Variants in KAZN observed in about 807,000 individuals in gnomAD.
KAZN encodes kazrin.
In KAZN, 40 loss-of-function variants were observed where a neutral mutation model predicts 87.4. The ratio of observed to expected loss-of-function variants is 0.46; its 90% CI spans 0.36 to 0.60. The LOEUF (loss-of-function observed/expected upper bound fraction) is 0.60. Ranked by LOEUF, KAZN falls within the 20% of genes least tolerant of loss-of-function variation. The pLI is 0.00. For missense variants in KAZN, 898 were observed against 1,073.9 expected, an observed-to-expected ratio of 0.84 and a Z score of 2.29; for synonymous variants, 466 against 458.3, an observed-to-expected ratio of 1.02 and a Z score of -0.22.
chr1:14,060,207 C>CA (rs968399635), intron 1 of KAZN, among the ~76,000 whole-genome samples: 2 of 151,844 alleles, frequency 1.3e-5, no homozygotes, highest in African/African-American at 4.8e-5. Flanking sequence ...ACTAAAAATA[C>CA]AAAAAATTAG....
At chr1:14,218,731 G>A (rs549550214) in intron 2 of KAZN, among the ~76,000 whole-genome samples, 6 of 152,154 alleles carry the variant, frequency 3.9e-5, no homozygotes, top group Non-Finnish European at 1.5e-5. Flanking sequence ...GGTAAATAAT[G>A]AGGGCAAAAA....
At chr1:13,949,461 C>G (rs954378750) in intron 1 of KAZN, among the ~76,000 whole-genome samples, 1 of 152,196 alleles carries the variant, frequency 6.6e-6, no homozygotes, top group Admixed American at 6.5e-5. Context: ...TTCTCAATAT[C>G]AGACAGCGGT....
intron 1 of KAZN, among the ~76,000 whole-genome samples, chr1:13,957,528 GA>G (rs1162791196): frequency 6.6e-6 from 1 of 152,178 alleles, no homozygotes; most frequent in Non-Finnish European, 1.5e-5. Context: ...AATTTGCATA[GA>G]AAAAAATTAT....
intron 1 of KAZN, among the ~76,000 whole-genome samples, chr1:14,104,855 TC>T (rs1217392655): frequency 6.6e-6 from 1 of 152,222 alleles, no homozygotes; most frequent in East Asian, 1.9e-4. Flanking sequence ...TTTATCTACA[TC>T]CGTTTTTCTT....
At chr1:14,433,584 A>T (rs1325962296) in intron 2 of KAZN, among the ~76,000 whole-genome samples, 2 of 152,202 alleles carry the variant, frequency 1.3e-5, no homozygotes, top group Admixed American at 1.3e-4. Flanking sequence ...CAGGCTGGGC[A>T]CAGTGGCTCA....
At chr1:15,109,937 G>GTT (rs1553191660) in intron 13 of KAZN, among the ~76,000 whole-genome samples, 3,183 of 140,532 alleles carry the variant, frequency 0.023, 127 homozygotes, top group African/African-American at 0.076. Flanking sequence ...GTGTGTGTGT[G>GTT]TGTGTTTGTG....
intron 1 of KAZN, among the ~76,000 whole-genome samples, chr1:13,903,013 G>A (rs1456762023): frequency 6.6e-6 from 1 of 152,210 alleles, no homozygotes; most frequent in Non-Finnish European, 1.5e-5. Context: ...AAGCAAATGA[G>A]GTGGGTTTCC....
intron 2 of KAZN, among the ~76,000 whole-genome samples, chr1:14,368,071 TCTA>T: frequency 6.6e-6 from 1 of 152,278 alleles, no homozygotes; most frequent in African/African-American, 2.4e-5. Context: ...GCCAACCAGG[TCTA>T]CTGTGAAGAT....
intron 1 of KAZN, among the ~76,000 whole-genome samples, chr1:14,031,924 T>A (rs1180355130): frequency 6.6e-6 from 1 of 152,210 alleles, no homozygotes; most frequent in Non-Finnish European, 1.5e-5. Context: ...TTCATACCCT[T>A]AACAGCTGCC....
At chr1:14,169,335 T>C (rs950696129) in intron 1 of KAZN, among the ~76,000 whole-genome samples, 1 of 152,108 alleles carries the variant, frequency 6.6e-6, no homozygotes, top group Non-Finnish European at 1.5e-5. Context: ...GCTCTTCTCT[T>C]GTTGTCTCTC....
intron 2 of KAZN, among the ~76,000 whole-genome samples, chr1:14,464,135 T>A (rs4661496): frequency 2.6e-5 from 4 of 152,010 alleles, no homozygotes; most frequent in African/African-American, 9.7e-5. Flanking sequence ...ACGGTGGAAC[T>A]TCGTGCAACA....
At chr1:14,040,105 C>G (rs4662082) in intron 1 of KAZN, among the ~76,000 whole-genome samples, 83,035 of 150,566 alleles carry the variant, frequency 0.55, 23,100 homozygotes, top group East Asian at 0.68. Flanking sequence ...GAGAGAGAGA[C>G]AGAGAGAGAG....
chr1:14,477,345 C>T (rs1668796059), intron 2 of KAZN, among the ~76,000 whole-genome samples: 2 of 152,062 alleles, frequency 1.3e-5, no homozygotes, highest in African/African-American at 2.4e-5. Context: ...TCCTTTAAAC[C>T]TCTTTTTCTT....
intron 1 of KAZN, among the ~76,000 whole-genome samples, chr1:14,730,806 C>G (rs1257312366): frequency 6.6e-6 from 1 of 152,118 alleles, no homozygotes; most frequent in Non-Finnish European, 1.5e-5. Context: ...TCCTGATTTG[C>G]CAGTAAGTGG....
At chr1:13,930,703 A>G (rs889596766) in intron 1 of KAZN, among the ~76,000 whole-genome samples, 1 of 152,264 alleles carries the variant, frequency 6.6e-6, no homozygotes, top group Non-Finnish European at 1.5e-5. Flanking sequence ...TGACTTAGTC[A>G]TTGGAGAAGG....
intron 1 of KAZN, among the ~76,000 whole-genome samples, chr1:14,922,779 G>A (rs1445025903): frequency 2.9e-5 from 4 of 136,022 alleles, no homozygotes; most frequent in Non-Finnish European, 3.1e-5. Context: ...GTGACAAAGC[G>A]AGACTCTGTC....
chr1:15,054,710 T>C (rs1365029293), intron 4 of KAZN, among the ~76,000 whole-genome samples: 2 of 152,156 alleles, frequency 1.3e-5, no homozygotes. Context: ...TTTCTAATAC[T>C]TGCCGTTTTT....
chr1:14,092,558 C>T (rs190057817), intron 1 of KAZN, among the ~76,000 whole-genome samples: 1 of 126,214 alleles, frequency 7.9e-6, no homozygotes, highest in Admixed American at 8.2e-5. Flanking sequence ...TGTACATATA[C>T]ACACATATAT....
intron 2 of KAZN, among the ~76,000 whole-genome samples, chr1:14,186,049 G>C (rs1646298910): frequency 6.6e-6 from 1 of 152,128 alleles, no homozygotes; most frequent in Non-Finnish European, 1.5e-5. Flanking sequence ...GAATAGAATA[G>C]TGTCTATCAA....
Sources: gnomAD v4.1 joint callset for allele counts (sites outside exome capture counted in the v4.1 genomes callset) on GRCh38, gnomAD v4.1.1 for gene constraint, MANE v1.5 for transcripts, NCBI Gene and HGNC (gene_info 2026-07-23, HGNC 2026-07-21) for gene names.